Variants in N4BP2 observed in about 807,000 individuals in gnomAD.
N4BP2 encodes the protein NEDD4 binding protein 2, also known as NEDD4-binding protein 2.
A neutral mutation model predicts 152.8 loss-of-function variants in N4BP2; 91 were observed. The observed-to-expected ratio is 0.60, with a 90% CI of 0.50 to 0.71. N4BP2 has a LOEUF of 0.71. N4BP2 is among the 30% of genes least tolerant of loss of function. N4BP2 has a pLI of 0.00. For missense variants in N4BP2, 1,923 were observed against 2,059.1 expected (o/e 0.93, Z 1.28); for synonymous variants, 646 against 705.3 (o/e 0.92, Z 1.33).
chr4:40,178,669 C>G, the N4BP2 span, among the ~76,000 whole-genome samples: 8 of 152,314 alleles, frequency 5.3e-5, no homozygotes, highest in African/African-American at 1.9e-4. Flanking sequence ...ATAAGTTGCC[C>G]AGGACAAAAC....
At chr4:40,065,825 A>T (rs1733993582) in intron 1 of N4BP2, among the ~76,000 whole-genome samples, 1 of 151,968 alleles carries the variant, frequency 6.6e-6, no homozygotes, top group African/African-American at 2.4e-5. Context: ...GGAGGTAAGA[A>T]GTGGTTGACC....
chr4:40,118,435 A>T (rs527862647), intron 8 of N4BP2, among the ~76,000 whole-genome samples: 1 of 152,158 alleles, frequency 6.6e-6, no homozygotes, highest in South Asian at 2.1e-4. Context: ...TCCATTTCAA[A>T]AAATAAATAA....
At chr4:40,124,661 A>G (rs1041217117) in intron 11 of N4BP2, among the ~76,000 whole-genome samples, 1 of 152,144 alleles carries the variant, frequency 6.6e-6, no homozygotes, top group Non-Finnish European at 1.5e-5. Flanking sequence ...CTTTAAAAAT[A>G]TTTAATATTT....
intron 3 of N4BP2, among the ~76,000 whole-genome samples, chr4:40,098,090 T>C (rs762370797): frequency 2.5e-4 from 38 of 152,214 alleles, no homozygotes; most frequent in Non-Finnish European, 4.7e-4. Context: ...TTAAAAACTT[T>C]GTTTTACTCC....
chr4:40,144,791 A>G lies in N4BP2; in HGVS notation c.5134A>G (p.Lys1712Glu). 6.2e-7 allele frequency: 1 copy of G among 1,610,372 alleles called. No individual in the cohort carries two copies. The highest frequency in any genetic ancestry group is 8.5e-7 in the Non-Finnish European group (1 of 1,178,290). ...ACATTTGATGAGAGTTTTAGAGAAG[A>G]AGACTGAAGGTAGGACTGTGGTAAT... ...LEHLMRVLEKKTEEFKQNGGK... is the reference protein window; with the variant it reads ...LEHLMRVLEKETEEFKQNGGK... The change falls in exon 16 of 18, where the codon AAG (lysine) becomes GAG (glutamate). Residue 1712 changes from lysine (K) to glutamate (E), a missense_variant. Lys to Glu is a moderately conservative substitution (Grantham distance 56, BLOSUM62 1). Coordinates refer to ENST00000261435, the MANE Select transcript of N4BP2 (RefSeq NM_018177.6).
At chr4:40,137,160 A>G in intron 14 of N4BP2, 78 bp downstream of exon 14, 1 of 1,133,048 alleles carries the variant, frequency 8.8e-7, no homozygotes, top group Non-Finnish European at 1.2e-6. Context: ...GAGTATAATA[A>G]TTTAATGATT....
chr4:40,161,608 TAA>T (rs1341082606), downstream of N4BP2, among the ~76,000 whole-genome samples: 2 of 152,228 alleles, frequency 1.3e-5, no homozygotes, highest in South Asian at 4.1e-4. Context: ...TCTCTATTTT[TAA>T]AAAAGAGATA....
intron 16 of N4BP2, among the ~76,000 whole-genome samples, chr4:40,150,304 A>G (rs1039159625): frequency 6.6e-6 from 1 of 152,206 alleles, no homozygotes; most frequent in Non-Finnish European, 1.5e-5. Context: ...TTTTATAGGG[A>G]TTTACAGGGG....
At chr4:40,117,461 C>CA (rs1426530042) in intron 7 of N4BP2, among the ~76,000 whole-genome samples, 1 of 152,236 alleles carries the variant, frequency 6.6e-6, no homozygotes, top group Non-Finnish European at 1.5e-5. Flanking sequence ...TAAAGCATAA[C>CA]ATCTGGCCTC....
At chr4:40,169,478 A>T in the N4BP2 span, among the ~76,000 whole-genome samples, 6 of 151,726 alleles carry the variant, frequency 4.0e-5, no homozygotes, top group African/African-American at 1.4e-4. Context: ...TAAAAGATTT[A>T]AAAATAATTA....
At chr4:40,110,781 G>A (rs367835465) in intron 5 of N4BP2, among the ~76,000 whole-genome samples, 2 of 152,038 alleles carry the variant, frequency 1.3e-5, no homozygotes, top group African/African-American at 2.4e-5. Context: ...CAGGTGATCC[G>A]CCCGCCTCAG....
Position 40,108,132 on chromosome 4 carries a change from T to C in N4BP2, c.1498+1108T>C, listed in dbSNP as rs78463015. On this transcript the variant is annotated intron_variant, in intron 5 of 17. Coordinates refer to ENST00000261435, the MANE Select transcript of N4BP2 (RefSeq NM_018177.6). ...TAGTAGCGACGGGGTTTTGCCACAT[T>C]GGCCAGGGCCAGGCTTGTCTCAAAC... Among the ~76,000 whole-genome samples the C allele has an allele frequency of 1.0e-3, 159 of 151,812 alleles. 3 individuals carry two copies. In the East Asian group the frequency reaches 0.025, roughly 23 times the overall value.
intron 13 of N4BP2, among the ~76,000 whole-genome samples, chr4:40,132,720 T>C (rs1719008820): frequency 1.3e-5 from 2 of 152,156 alleles, no homozygotes; most frequent in African/African-American, 2.4e-5. Context: ...TTTAAATAGG[T>C]ACTTTTTGAG....
intron 1 of N4BP2, among the ~76,000 whole-genome samples, chr4:40,069,662 C>T (rs1460801315): frequency 6.6e-6 from 1 of 152,132 alleles, no homozygotes; most frequent in Admixed American, 6.6e-5. Context: ...ATTCCCAGCA[C>T]TGTGGGAGGC....
At chr4:40,141,457 G>A (rs1241397585) in intron 14 of N4BP2, among the ~76,000 whole-genome samples, 1 of 151,444 alleles carries the variant, frequency 6.6e-6, no homozygotes, top group Non-Finnish European at 1.5e-5. Flanking sequence ...CGGGGCGGCG[G>A]GGCAGAGGCG....
At position 40,122,063 on chromosome 4, in the gene N4BP2, C is replaced by G. The variant is rs1717981086; in HGVS notation, c.3952C>G (p.Pro1318Ala). 6.5e-7 allele frequency: 1 copy of G among 1,545,048 alleles called. No individual in the cohort carries two copies. The highest frequency in any genetic ancestry group is 1.2e-5 in the South Asian group (1 of 81,538). ...SLEIKRNENF[P>A]KDYVKFSDEE... ...TGAAATAAAGAGAAATGAAAATTTTCCAAAGGATTATGTGAAATTTTCAGA... is the reference window on the plus strand; with the variant it reads ...TGAAATAAAGAGAAATGAAAATTTTGCAAAGGATTATGTGAAATTTTCAGA... The change falls in exon 9 of 18, where the codon CCA becomes GCA. Residue 1318 changes from proline (P) to alanine (A), a missense_variant. Transcript: ENST00000261435.
At chr4:40,124,125 T>C in intron 10 of N4BP2, 35 bp from the exon 11 acceptor site, 2 of 1,580,980 alleles carry the variant, frequency 1.3e-6, no homozygotes, top group Non-Finnish European at 1.7e-6. Flanking sequence ...ATGCACTCCC[T>C]GTTTGCCAAT....
At chr4:40,161,299 G>A (rs1194799741), downstream of N4BP2, among the ~76,000 whole-genome samples, 5 of 152,194 alleles carry the variant, frequency 3.3e-5, no homozygotes, top group Non-Finnish European at 7.3e-5. Flanking sequence ...AATTTACAGG[G>A]ATTACAGAGG....
At chr4:40,160,928 C>G (rs1721841758), downstream of N4BP2, among the ~76,000 whole-genome samples, 1 of 152,098 alleles carries the variant, frequency 6.6e-6, no homozygotes, top group East Asian at 1.9e-4. Flanking sequence ...CTCCATAAAC[C>G]TAACACCCCA....
Sources: allele counts gnomAD v4.1 joint callset (sites outside exome capture counted in the v4.1 genomes callset), GRCh38; gene constraint gnomAD v4.1.1; transcripts MANE v1.5; gene names NCBI Gene and HGNC (gene_info 2026-07-23, HGNC 2026-07-21).